The following C7orf78 variants were observed in gnomAD, a reference collection of about 807,000 sequenced individuals.
C7orf78 encodes the protein chromosome 7 open reading frame 78.
the C7orf78 span, among the ~76,000 whole-genome samples, chr7:12,524,218 G>A: frequency 6.6e-6 from 1 of 152,068 alleles, no homozygotes. Context: ...TTTATAATGT[G>A]GGTTAATAAT....
chr7:12,539,201 A>C, the C7orf78 span, among the ~76,000 whole-genome samples: 1 of 152,182 alleles, frequency 6.6e-6, no homozygotes. Flanking sequence ...GCAGTGGCTC[A>C]CACCTGTAAT....
chr7:12,532,250 C>A, the C7orf78 span, among the ~76,000 whole-genome samples: 1 of 152,076 alleles, frequency 6.6e-6, no homozygotes, highest in Non-Finnish European at 1.5e-5. Flanking sequence ...GGCTGCTTTT[C>A]ATTAAAAAGA....
the C7orf78 span, among the ~76,000 whole-genome samples, chr7:12,508,636 G>A: frequency 6.6e-6 from 1 of 152,074 alleles, no homozygotes; most frequent in Non-Finnish European, 1.5e-5. Flanking sequence ...AAAATTTAAG[G>A]GTACGTTAAC....
the C7orf78 span, among the ~76,000 whole-genome samples, chr7:12,535,893 T>C: frequency 6.6e-6 from 1 of 152,260 alleles, no homozygotes; most frequent in Non-Finnish European, 1.5e-5. Context: ...ATCCAGGTCA[T>C]GCTGACACAA....
At chr7:12,518,736 G>A in the C7orf78 span, among the ~76,000 whole-genome samples, 1 of 152,138 alleles carries the variant, frequency 6.6e-6, no homozygotes, top group Admixed American at 6.5e-5. Flanking sequence ...CTGATGGTGT[G>A]CAGGGGGATA....
the C7orf78 span, among the ~76,000 whole-genome samples, chr7:12,503,307 C>G: frequency 6.6e-6 from 1 of 151,666 alleles, no homozygotes; most frequent in African/African-American, 2.4e-5. Context: ...TAATTGGAAA[C>G]TTGAATTGTG....
At chr7:12,532,970 G>C in the C7orf78 span, among the ~76,000 whole-genome samples, 1 of 152,114 alleles carries the variant, frequency 6.6e-6, no homozygotes, top group South Asian at 2.1e-4. Context: ...GGTGGATATA[G>C]AGTCATCCTA....
chr7:12,514,236 G>C, the C7orf78 span, among the ~76,000 whole-genome samples: 2 of 151,854 alleles, frequency 1.3e-5, no homozygotes, highest in African/African-American at 4.8e-5. Flanking sequence ...TCCAGTGTTG[G>C]GTGCACATAT....
chr7:12,497,418 G>T, the C7orf78 span, among the ~76,000 whole-genome samples: 5 of 152,238 alleles, frequency 3.3e-5, no homozygotes, highest in African/African-American at 7.2e-5. Flanking sequence ...CTCGGGAAGC[G>T]CAAGGGGTCA....
At chr7:12,518,595 TCTTCAGG>T in the C7orf78 span, among the ~76,000 whole-genome samples, 2 of 152,058 alleles carry the variant, frequency 1.3e-5, no homozygotes, top group Non-Finnish European at 2.9e-5. Flanking sequence ...AGTGGGCCCA[TCTTCAGG>T]TTCCTAGGGG....
At chr7:12,492,888 C>A in the C7orf78 span, among the ~76,000 whole-genome samples, 1 of 152,160 alleles carries the variant, frequency 6.6e-6, no homozygotes, top group Non-Finnish European at 1.5e-5. Context: ...TATCTGACAT[C>A]ACTTAGGATA....
chr7:12,536,811 G>A, the C7orf78 span, among the ~76,000 whole-genome samples: 2 of 152,098 alleles, frequency 1.3e-5, no homozygotes, highest in East Asian at 1.9e-4. Context: ...TAGGCCGGGG[G>A]CAAAATGCTG....
At chr7:12,494,922 G>T in the C7orf78 span, among the ~76,000 whole-genome samples, 2 of 150,412 alleles carry the variant, frequency 1.3e-5, no homozygotes, top group African/African-American at 4.8e-5. Context: ...ACCAGGTACC[G>T]ATAGACAACT....
chr7:12,494,990 C>T, the C7orf78 span, among the ~76,000 whole-genome samples: 2 of 152,130 alleles, frequency 1.3e-5, no homozygotes, highest in Admixed American at 1.3e-4. Context: ...AGATGGTGCC[C>T]AGATAACCTG....
the C7orf78 span, among the ~76,000 whole-genome samples, chr7:12,510,536 A>G: frequency 6.6e-6 from 1 of 152,164 alleles, no homozygotes; most frequent in African/African-American, 2.4e-5. Context: ...CCAACAGTGT[A>G]TACATAGTTT....
chr7:12,526,420 T>A, the C7orf78 span, among the ~76,000 whole-genome samples: 3 of 152,164 alleles, frequency 2.0e-5, no homozygotes, highest in African/African-American at 7.2e-5. Context: ...CAGAGTTAAT[T>A]TGTATTATTT....
the C7orf78 span, among the ~76,000 whole-genome samples, chr7:12,520,843 G>A: frequency 6.6e-6 from 1 of 152,074 alleles, no homozygotes; most frequent in African/African-American, 2.4e-5. Context: ...TACTATTATT[G>A]TATTGCTGTC....
chr7:12,497,260 C>T, the C7orf78 span, among the ~76,000 whole-genome samples: 1 of 152,114 alleles, frequency 6.6e-6, no homozygotes, highest in Non-Finnish European at 1.5e-5. Flanking sequence ...GTCTACAGCT[C>T]CCAGCCTGAG....
chr7:12,537,169 A>T, the C7orf78 span, among the ~76,000 whole-genome samples: 3 of 152,220 alleles, frequency 2.0e-5, no homozygotes, highest in African/African-American at 7.2e-5. Context: ...TGAGCAATTT[A>T]CAAAAGAAAC....
Sources: gnomAD v4.1 joint callset for allele counts (sites outside exome capture counted in the v4.1 genomes callset) on GRCh38, gnomAD v4.1.1 for gene constraint, MANE v1.5 for transcripts, NCBI Gene and HGNC (gene_info 2026-07-23, HGNC 2026-07-21) for gene names.